The following BEND7 variants were observed in gnomAD, a reference collection of about 807,000 sequenced individuals.
BEND7 encodes the protein BEN domain containing 7.
BEND7 carries 28 observed loss-of-function variants against 50.9 expected under a neutral mutation model. The observed-to-expected ratio is 0.55, with a 90% confidence interval of 0.41 to 0.75. The LOEUF is 0.75. BEND7 is among the 30% of genes least tolerant of loss of function. The probability of loss-of-function intolerance (pLI) is 0.00; values close to 1 mark genes in which losing one functional copy is unlikely to be tolerated. For missense variants in BEND7, 477 were observed against 491.3 expected, an observed-to-expected ratio of 0.97 and a Z score of 0.28; for synonymous variants, 170 against 183.9, an observed-to-expected ratio of 0.92 and a Z score of 0.61.
chr10:13,506,397 A>G (rs2077892183), intron 2 of BEND7, among the ~76,000 whole-genome samples: 1 of 152,094 alleles, frequency 6.6e-6, no homozygotes, highest in African/African-American at 2.4e-5. Flanking sequence ...ACAGAGGTGT[A>G]TTACCTTGCA....
At chr10:13,467,748 C>T (rs866969963) in intron 6 of BEND7, among the ~76,000 whole-genome samples, 10 of 152,170 alleles carry the variant, frequency 6.6e-5, no homozygotes, top group African/African-American at 2.4e-4. Context: ...ATGCCCTGTA[C>T]GTATCCAATG....
intron 6 of BEND7, chr10:13,480,555 T>C (rs986450628): frequency 6.2e-6 from 5 of 807,388 alleles, no homozygotes; most frequent in African/African-American, 3.7e-5. Flanking sequence ...TTTATTCTCA[T>C]AACTCAAACT....
chr10:13,489,224 G>C (rs1301432790), intron 5 of BEND7, among the ~76,000 whole-genome samples: 1 of 152,156 alleles, frequency 6.6e-6, no homozygotes, highest in Non-Finnish European at 1.5e-5. Context: ...ACACAGCTGA[G>C]AGTCTAACCC....
chr10:13,517,936 G>A (rs2078812282), intron 2 of BEND7, among the ~76,000 whole-genome samples: 1 of 152,126 alleles, frequency 6.6e-6, no homozygotes, highest in Non-Finnish European at 1.5e-5. Flanking sequence ...CTAGTTATAA[G>A]GATAACAGAC....
At chr10:13,519,132 C>T (rs186592110) in intron 2 of BEND7, among the ~76,000 whole-genome samples, 20 of 151,272 alleles carry the variant, frequency 1.3e-4, no homozygotes, top group African/African-American at 4.9e-4. Flanking sequence ...TGGTAAGTGC[C>T]AGAAAAGAGT....
In BEND7 at chr10:13,441,252, A is replaced by G. The variant is rs1363809252; in HGVS notation, c.*491T>C. On this transcript the variant is annotated 3_prime_UTR_variant, in exon 9 of 9. Transcript: ENST00000466271. ...AAAAAATCTAAATATTTACATATTA[A>G]TAAAACATATATACAGAAGATTGAG... The G allele has an allele frequency of 1.1e-6, 1 of 906,636 alleles. No individual in the cohort carries two copies. Among genetic ancestry groups the G allele is most frequent in the East Asian group, 1.2e-4 (1 of 8,456 alleles). The allele number at this position is 906,636 out of a possible 1,614,324, so 56.2% of individuals were successfully genotyped here.
At chr10:13,521,269 G>A (rs1015630994) in intron 2 of BEND7, among the ~76,000 whole-genome samples, 2 of 152,208 alleles carry the variant, frequency 1.3e-5, no homozygotes, top group African/African-American at 4.8e-5. Flanking sequence ...GAGACAGGCA[G>A]ACCCTGGCTT....
chr10:13,455,952 G>A (rs1040778387), intron 6 of BEND7, among the ~76,000 whole-genome samples: 3 of 152,132 alleles, frequency 2.0e-5, no homozygotes, highest in East Asian at 3.9e-4. Flanking sequence ...GCAGCGTGGC[G>A]GGAGTCTACA....
At chr10:13,493,138 T>C (rs918907458) in intron 4 of BEND7, among the ~76,000 whole-genome samples, 2 of 152,244 alleles carry the variant, frequency 1.3e-5, no homozygotes, top group African/African-American at 4.8e-5. Flanking sequence ...TTGGGTTCAA[T>C]GCAGGGAAAG....
chr10:13,528,357 G>A (rs2079558224), intron 1 of BEND7, 116 bp downstream of exon 1: 1 of 336,472 alleles, frequency 3.0e-6, no homozygotes, highest in East Asian at 1.7e-4. Context: ...CGGAGGCACC[G>A]GGGGACCGGG....
At chr10:13,454,523 G>T (rs1247288576) in intron 6 of BEND7, among the ~76,000 whole-genome samples, 1 of 152,102 alleles carries the variant, frequency 6.6e-6, no homozygotes, top group African/African-American at 2.4e-5. Flanking sequence ...TGGAGGCTGA[G>T]GCAGGAGGAT....
At chr10:13,440,274 G>A (rs1835159625), downstream of BEND7, among the ~76,000 whole-genome samples, 1 of 152,194 alleles carries the variant, frequency 6.6e-6, no homozygotes, top group Non-Finnish European at 1.5e-5. Context: ...AAGATATGAC[G>A]TGGGTCCCTG....
At chr10:13,483,923 G>A (rs2076043854) in intron 5 of BEND7, among the ~76,000 whole-genome samples, 1 of 152,182 alleles carries the variant, frequency 6.6e-6, no homozygotes, top group Non-Finnish European at 1.5e-5. Flanking sequence ...TACAGCCGCT[G>A]TTTCTGGTAT....
intron 4 of BEND7, among the ~76,000 whole-genome samples, 160 bp downstream of exon 4, chr10:13,496,606 T>C (rs760637007): frequency 1.3e-5 from 2 of 151,902 alleles, no homozygotes; most frequent in Non-Finnish European, 2.9e-5. Context: ...AAAGGAAAAA[T>C]GGATTGTAGA....
chr10:13,453,070 GGTCT>G (rs1262169685), intron 6 of BEND7, among the ~76,000 whole-genome samples: 40 of 152,150 alleles, frequency 2.6e-4, no homozygotes, highest in Non-Finnish European at 4.4e-5. Flanking sequence ...ACGAAAAGAT[GGTCT>G]TTCTCCTGGT....
At chr10:13,467,126 G>C (rs1271378551) in intron 6 of BEND7, among the ~76,000 whole-genome samples, 13 of 152,174 alleles carry the variant, frequency 8.5e-5, no homozygotes, top group East Asian at 5.8e-4. Context: ...TCAATTTCCT[G>C]TTCTTTTTTA....
chr10:13,491,824 G>A (rs549455802), intron 5 of BEND7, among the ~76,000 whole-genome samples: 3 of 152,240 alleles, frequency 2.0e-5, no homozygotes, highest in African/African-American at 4.8e-5. Flanking sequence ...GGAGTTCGCA[G>A]CAGGATTCTC....
chr10:13,470,724 C>T (rs891239771), intron 6 of BEND7, among the ~76,000 whole-genome samples: 2 of 152,120 alleles, frequency 1.3e-5, no homozygotes, highest in Non-Finnish European at 2.9e-5. Flanking sequence ...CGGCAGGGAT[C>T]CGAATTCATA....
At chr10:13,504,742 T>C (rs2077742761) in intron 2 of BEND7, among the ~76,000 whole-genome samples, 2 of 152,268 alleles carry the variant, frequency 1.3e-5, no homozygotes, top group South Asian at 4.1e-4. Flanking sequence ...CACAAAGGAA[T>C]CTTACTAAAA....
Sources: gnomAD v4.1 joint callset for allele counts (sites outside exome capture counted in the v4.1 genomes callset) on GRCh38, gnomAD v4.1.1 for gene constraint, MANE v1.5 for transcripts, NCBI Gene and HGNC (gene_info 2026-07-23, HGNC 2026-07-21) for gene names.